FRMD5: variants seen among roughly 807,000 people sequenced by gnomAD.
FRMD5 encodes the protein FERM domain containing 5.
FRMD5 carries 20 observed loss-of-function variants against 69.0 expected under a neutral mutation model. The ratio of observed to expected loss-of-function variants is 0.29; its 90% CI spans 0.20 to 0.42. FRMD5 has a LOEUF of 0.42. FRMD5 is among the 10% of genes least tolerant of loss of function. The pLI, the probability that FRMD5 is intolerant of heterozygous loss-of-function variation, is 1.00. For synonymous variants in FRMD5, 271 were observed against 260.1 expected (o/e 1.04, Z -0.40); for missense variants, 595 against 708.6 (o/e 0.84, Z 1.82).
intron 1 of FRMD5, among the ~76,000 whole-genome samples, chr15:43,938,179 C>T (rs1046874611): frequency 3.5e-5 from 5 of 142,704 alleles, no homozygotes; most frequent in African/African-American, 1.1e-4. Context: ...TGCAGTGAGC[C>T]GAGATCGCGC....
intron 1 of FRMD5, among the ~76,000 whole-genome samples, chr15:44,021,809 A>C (rs906392451): frequency 6.6e-5 from 10 of 152,244 alleles, no homozygotes; most frequent in Admixed American, 6.5e-5. Flanking sequence ...ATTCAAAAGA[A>C]TTGAAAACCA....
chr15:43,913,123 C>T (rs2089320596), intron 4 of FRMD5, among the ~76,000 whole-genome samples: 1 of 152,076 alleles, frequency 6.6e-6, no homozygotes, highest in Non-Finnish European at 1.5e-5. Flanking sequence ...TGATCCTGCT[C>T]ACACTGAGAA....
chr15:44,100,047 CT>C (rs375230009), intron 1 of FRMD5, among the ~76,000 whole-genome samples: 290 of 129,254 alleles, frequency 2.2e-3, no homozygotes, highest in East Asian at 5.5e-3. Flanking sequence ...TTCTTCTTCT[CT>C]TTTTTTTTTT....
At chr15:44,051,980 C>CT (rs924633989) in intron 1 of FRMD5, among the ~76,000 whole-genome samples, 63 of 147,136 alleles carry the variant, frequency 4.3e-4, no homozygotes, top group South Asian at 8.6e-4. Context: ...AAAGTTAACT[C>CT]TTTTTTTTTT....
intron 4 of FRMD5, among the ~76,000 whole-genome samples, chr15:43,913,758 T>C (rs1431100848): frequency 6.6e-6 from 1 of 152,148 alleles, no homozygotes; most frequent in Non-Finnish European, 1.5e-5. Flanking sequence ...AGTCCAGAGA[T>C]GGAGAGTGAC....
intron 1 of FRMD5, among the ~76,000 whole-genome samples, chr15:44,145,379 T>C (rs2077340574): frequency 6.6e-6 from 1 of 152,208 alleles, no homozygotes; most frequent in South Asian, 2.1e-4. Flanking sequence ...AAGTATTACT[T>C]TTTACTATTA....
intron 3 of FRMD5, 48 bp downstream of exon 3, chr15:43,919,719 C>T (rs746688643): frequency 4.1e-5 from 64 of 1,573,236 alleles, no homozygotes; most frequent in Non-Finnish European, 5.2e-5. Flanking sequence ...GGTTTCGTCC[C>T]ACCCTCCCCA....
chr15:43,898,359 C>T (rs976787593), intron 7 of FRMD5, among the ~76,000 whole-genome samples: 2 of 152,196 alleles, frequency 1.3e-5, no homozygotes, highest in African/African-American at 4.8e-5. Context: ...CCCTTCTTGT[C>T]TGCATCTTCA....
intron 1 of FRMD5, among the ~76,000 whole-genome samples, chr15:44,097,978 T>C (rs922265725): frequency 3.9e-5 from 6 of 152,068 alleles, no homozygotes; most frequent in African/African-American, 1.4e-4. Context: ...TAAAATGTCA[T>C]CTTCTTAAAG....
chr15:43,921,536 T>A (rs2089493276), intron 2 of FRMD5, among the ~76,000 whole-genome samples: 1 of 152,002 alleles, frequency 6.6e-6, no homozygotes, highest in Admixed American at 6.6e-5. Context: ...ATCCATGGGA[T>A]TTGGAGTCTG....
At chr15:44,074,507 T>C (rs12443066) in intron 1 of FRMD5, among the ~76,000 whole-genome samples, 1 of 152,012 alleles carries the variant, frequency 6.6e-6, no homozygotes, top group Admixed American at 6.5e-5. Flanking sequence ...ATTTTTTTTT[T>C]GTTTTTTTTT....
At chr15:43,901,276 T>C (rs147699294) in intron 7 of FRMD5, among the ~76,000 whole-genome samples, 1 of 152,316 alleles carries the variant, frequency 6.6e-6, no homozygotes, top group East Asian at 1.9e-4. Flanking sequence ...TAGACTTCTG[T>C]TCTTTAAGCC....
chr15:44,132,919 T>C (rs1275495761), intron 1 of FRMD5, among the ~76,000 whole-genome samples: 1 of 151,674 alleles, frequency 6.6e-6, no homozygotes, highest in Non-Finnish European at 1.5e-5. Flanking sequence ...CTTGCCACCA[T>C]GCCTGGCTAA....
At chr15:44,186,517 T>C (rs1219399233) in intron 1 of FRMD5, among the ~76,000 whole-genome samples, 1 of 152,216 alleles carries the variant, frequency 6.6e-6, no homozygotes, top group Non-Finnish European at 1.5e-5. Context: ...GATTTGGCTT[T>C]TTCCTGCTAC....
At chr15:44,119,729 CTTTTTTT>C (rs3040926) in intron 1 of FRMD5, among the ~76,000 whole-genome samples, 1 of 146,012 alleles carries the variant, frequency 6.8e-6, no homozygotes, top group African/African-American at 2.5e-5. Flanking sequence ...CTGTCTACTT[CTTTTTTT>C]TTTTTTTTTT....
At chr15:43,988,888 T>C (rs1472955675) in intron 1 of FRMD5, among the ~76,000 whole-genome samples, 1 of 152,176 alleles carries the variant, frequency 6.6e-6, no homozygotes, top group Non-Finnish European at 1.5e-5. Flanking sequence ...CTCTGGGGGA[T>C]GCTCACTCCA....
At chr15:44,038,795 T>C in intron 1 of FRMD5, among the ~76,000 whole-genome samples, 1 of 152,018 alleles carries the variant, frequency 6.6e-6, no homozygotes, top group East Asian at 1.9e-4. Flanking sequence ...CTTGAGAGAC[T>C]GTACCGGGAG....
intron 1 of FRMD5, among the ~76,000 whole-genome samples, chr15:44,032,063 C>T (rs1240958957): frequency 6.6e-6 from 1 of 152,158 alleles, no homozygotes; most frequent in Non-Finnish European, 1.5e-5. Context: ...CTATGACCAT[C>T]TGATCTTCAA....
At chr15:43,883,001 T>G (rs2088572302) in intron 13 of FRMD5, among the ~76,000 whole-genome samples, 3 of 151,938 alleles carry the variant, frequency 2.0e-5, no homozygotes, top group African/African-American at 7.3e-5. Context: ...GAGAAGGGGT[T>G]TCACCATGTT....
Sources: gnomAD v4.1 joint callset for allele counts (sites outside exome capture counted in the v4.1 genomes callset) on GRCh38, gnomAD v4.1.1 for gene constraint, MANE v1.5 for transcripts, NCBI Gene and HGNC (gene_info 2026-07-23, HGNC 2026-07-21) for gene names.